The following DNAH12 variants were observed in gnomAD, a reference collection of about 807,000 sequenced individuals.
DNAH12 encodes axonemal beta dynein heavy chain 12.
DNAH12 carries 285 observed loss-of-function variants against 371.5 expected under a neutral mutation model. That is an observed-to-expected ratio of 0.77 (90% CI 0.70 to 0.85). The LOEUF is 0.85. Ranked by LOEUF, DNAH12 falls within the 40% of genes least tolerant of loss-of-function variation. DNAH12 has a pLI of 0.00. For missense variants in DNAH12, 3,611 were observed against 3,689.4 expected (o/e 0.98, Z 0.55); for synonymous variants, 1,200 against 1,213.0 (o/e 0.99, Z 0.22).
At chr3:57,543,012 C>T (rs2069361861) in intron 1 of DNAH12, 109 bp from the exon 2 acceptor site, 4 of 780,752 alleles carry the variant, frequency 5.1e-6, no homozygotes, top group Non-Finnish European at 7.3e-6. Context: ...ACTTTTGGAT[C>T]TTCCTCCCAA....
intron 60 of DNAH12, among the ~76,000 whole-genome samples, chr3:57,342,751 T>A (rs1553656693): frequency 6.6e-6 from 1 of 150,942 alleles, no homozygotes; most frequent in Non-Finnish European, 1.5e-5. Context: ...CTCAGACATG[T>A]CAACAGAACA....
chr3:57,293,824 C>T lies in DNAH12; in HGVS notation c.11840G>A (p.Trp3947Ter). 1.3e-6 allele frequency: 2 copies of T among 1,548,002 alleles called. No homozygotes were observed. ...LLKTDQPTRH[W>*]IKRGVALLCQ... ...AAGCAAAGCAACCCCGCGCTTGATC[C>T]AGTGCCGAGTAGGTTGGTCTGTTTT... Residue 3947 changes from tryptophan (W) to a stop codon, truncating the protein, a stop_gained, in exon 74 of 74, where the codon TGG becomes TAG. Transcript: ENST00000495027. LOFTEE classifies it high-confidence loss of function.
intron 65 of DNAH12, among the ~76,000 whole-genome samples, chr3:57,314,849 A>G (rs1261431920): frequency 6.6e-6 from 1 of 152,234 alleles, no homozygotes. Context: ...AACCATAGTA[A>G]TATTAAGCCT....
chr3:57,310,617 T>C lies in DNAH12; in HGVS notation c.10896+100A>G. On this transcript the variant is annotated intron_variant, in intron 67 of 73. Transcript: ENST00000495027. ...GATTATTAAAAGTTGATTAAAACCA[T>C]AATATTTGTCTAAACCTATACATTA... 4.9e-6 allele frequency: 4 copies of C among 810,026 alleles called. No individual in the cohort carries two copies. In the South Asian group the frequency reaches 8.1e-5, roughly 16 times the overall value. The allele number at this position is 810,026 out of a possible 1,614,324, so 50.2% of individuals were successfully genotyped here.
chr3:57,420,858 G>A (rs149076198), intron 36 of DNAH12, among the ~76,000 whole-genome samples: 1,477 of 138,948 alleles, frequency 0.011, 17 homozygotes, highest in African/African-American at 0.039. Context: ...GCAGTGAGCC[G>A]AGATTGCGCC....
At chr3:57,338,536 G>GT (rs2062296312) in intron 60 of DNAH12, among the ~76,000 whole-genome samples, 2 of 148,828 alleles carry the variant, frequency 1.3e-5, no homozygotes, top group South Asian at 4.3e-4. Context: ...GGTGAGGAGC[G>GT]TCTCTGCCCG....
At chr3:57,543,137 T>C (rs2069368424) in intron 1 of DNAH12, among the ~76,000 whole-genome samples, 1 of 152,046 alleles carries the variant, frequency 6.6e-6, no homozygotes, top group Non-Finnish European at 1.5e-5. Context: ...AGGGCTTGTT[T>C]CCTAATGGAT....
intron 29 of DNAH12, among the ~76,000 whole-genome samples, chr3:57,441,556 C>T (rs2065305944): frequency 6.6e-6 from 1 of 152,174 alleles, no homozygotes; most frequent in African/African-American, 2.4e-5. Flanking sequence ...CCTGTAATCA[C>T]AGCTCTTTAG....
intron 60 of DNAH12, among the ~76,000 whole-genome samples, chr3:57,346,977 CCTT>C (rs540509258): frequency 3.0e-4 from 45 of 152,080 alleles, no homozygotes; most frequent in Non-Finnish European, 6.0e-4. Flanking sequence ...TAATTAATAA[CCTT>C]CTAAAACAGA....
intron 11 of DNAH12, among the ~76,000 whole-genome samples, chr3:57,499,646 AAATATAT>A (rs1300850192): frequency 1.8e-3 from 59 of 32,054 alleles, no homozygotes; most frequent in South Asian, 0.011. Context: ...AAAAAAAAAA[AAATATAT>A]ATATATATAT....
Position 57,446,277 on chromosome 3 carries a change from A to G in DNAH12, c.3940-7T>C. ...AAGCCAGTCCTTTAAAAAACTAAGGACAAAGAAAAAGGAAAGTGATTTTTT... is the reference window on the plus strand; with the variant it reads ...AAGCCAGTCCTTTAAAAAACTAAGGGCAAAGAAAAAGGAAAGTGATTTTTT... On this transcript the variant is annotated splice_region_variant and splice_polypyrimidine_tract_variant and intron_variant, in intron 26 of 73. Transcript: ENST00000495027. 1 of 1,545,762 alleles carries G rather than the reference A, an allele frequency of 6.5e-7. No individual in the cohort carries two copies. The highest frequency in any genetic ancestry group is 8.7e-7 in the Non-Finnish European group (1 of 1,143,868).
chr3:57,331,353 G>A (rs945022775), intron 62 of DNAH12, among the ~76,000 whole-genome samples: 5 of 152,132 alleles, frequency 3.3e-5, no homozygotes, highest in African/African-American at 1.2e-4. Context: ...CATGAACAAG[G>A]GAGGCTACTG....
At chr3:57,454,336 C>T (rs535108941) in intron 23 of DNAH12, among the ~76,000 whole-genome samples, 1 of 151,854 alleles carries the variant, frequency 6.6e-6, no homozygotes, top group African/African-American at 2.4e-5. Context: ...CAAAATTAGC[C>T]GGGTGTGGTG....
intron 11 of DNAH12, among the ~76,000 whole-genome samples, chr3:57,492,774 C>T (rs916192022): frequency 4.6e-5 from 7 of 151,960 alleles, no homozygotes; most frequent in Admixed American, 2.0e-4. Flanking sequence ...TTTGGGAGGC[C>T]GAAGCAGGTG....
chr3:57,356,489 A>AAAT (rs2062804826), intron 59 of DNAH12, among the ~76,000 whole-genome samples: 1 of 140,698 alleles, frequency 7.1e-6, no homozygotes, highest in African/African-American at 2.9e-5. Context: ...ATAAATAAAT[A>AAAT]AAATAAAGAA....
intron 65 of DNAH12, among the ~76,000 whole-genome samples, chr3:57,318,347 T>C (rs369142377): frequency 6.6e-6 from 1 of 152,130 alleles, no homozygotes; most frequent in African/African-American, 2.4e-5. Flanking sequence ...TAGTGTAAGA[T>C]AGGAGTTAAA....
Position 57,446,657 on chromosome 3 carries a change from A to C in DNAH12, c.3819T>G (p.Ala1273=). ...IGAFYLNLGG[A]PEGPAGTGKT... is the part of the protein sequence containing the mutation. ...TTCCTGTGCCTGCTGGCCCCTCTGG[A>C]GCACCTCCAAGGTTTAAATAGAAAG... Residue 1273 remains alanine (A), a synonymous_variant, in exon 26 of 74, where the codon GCT becomes GCG. Coordinates refer to ENST00000495027, the MANE Select transcript of DNAH12 (RefSeq NM_001366028.2). 6.5e-7 allele frequency: 1 copy of C among 1,544,292 alleles called. No homozygotes were observed. Among genetic ancestry groups the C allele is most frequent in the Non-Finnish European group, 8.7e-7 (1 of 1,143,758 alleles).
intron 45 of DNAH12, among the ~76,000 whole-genome samples, chr3:57,391,615 C>G (rs935171032): frequency 1.3e-5 from 2 of 152,052 alleles, no homozygotes; most frequent in African/African-American, 2.4e-5. Flanking sequence ...GTATATATAC[C>G]CTTTGCACAT....
At chr3:57,359,574 A>G (rs1247784277) in intron 58 of DNAH12, among the ~76,000 whole-genome samples, 1 of 150,978 alleles carries the variant, frequency 6.6e-6, no homozygotes, top group Non-Finnish European at 1.5e-5. Flanking sequence ...AAAAAAAAAA[A>G]AAAAAAGAAA....
Sources: allele counts gnomAD v4.1 joint callset (sites outside exome capture counted in the v4.1 genomes callset), GRCh38; gene constraint gnomAD v4.1.1; transcripts MANE v1.5; gene names NCBI Gene and HGNC (gene_info 2026-07-23, HGNC 2026-07-21).